The following OSBPL5 variants were observed in gnomAD, a reference collection of about 807,000 sequenced individuals.
OSBPL5 encodes the protein oxysterol binding protein like 5.
Under a neutral mutation model 111.2 loss-of-function variants are expected in OSBPL5, and 71 were observed. That is an observed-to-expected ratio of 0.64 (90% CI 0.53 to 0.78). The LOEUF (loss-of-function observed/expected upper bound fraction) is 0.78, where lower values mean the gene tolerates loss of function less well. Ranked by LOEUF, OSBPL5 falls within the 30% of genes least tolerant of loss-of-function variation. The pLI is 0.00. For synonymous variants in OSBPL5, 549 were observed against 513.9 expected, an observed-to-expected ratio of 1.07 and a Z score of -0.93; for missense variants, 1,210 against 1,189.3, an observed-to-expected ratio of 1.02 and a Z score of -0.26.
rs201017802 is a variant in OSBPL5 at position 3,090,614 on chromosome 11, G to A, written c.2342C>T (p.Thr781Met). Reference protein sequence around the residue: ...HSQATESSGSTPESCPELSDE... With the variant: ...HSQATESSGSMPESCPELSDE... ...TGAGAGCTCTGGGCAGGACTCAGGC[G>A]TGGATCCGCTGCTCTCCGTGGCCTG... Residue 781 changes from threonine (T) to methionine (M), a missense_variant, in exon 20 of 22, where the codon ACG becomes ATG. Transcript: ENST00000263650. 22 of 1,613,014 alleles carry A rather than the reference G, an allele frequency of 1.4e-5. No individual in the cohort carries two copies. Among genetic ancestry groups the A allele is most frequent in the Admixed American group, 3.3e-5 (2 of 60,006 alleles).
rs902981248 is a variant in OSBPL5 at position 3,109,453 on chromosome 11, G to A, written c.692-1508C>T. ...GATGGGGCTGAAGAGCATTGAAGGC[G>A]GTTCTGTGCCTCTCTGAGCCTCTGC... On this transcript the variant is annotated intron_variant, in intron 7 of 21. Coordinates refer to ENST00000263650, the MANE Select transcript of OSBPL5 (RefSeq NM_020896.4). The surrounding 1 kb of genome is among the most constrained non-coding windows in gnomAD (Gnocchi z 7.4). 2.0e-5 allele frequency among the ~76,000 whole-genome samples: 3 copies of A among 152,192 alleles called. No individual in the cohort carries two copies. Among genetic ancestry groups the A allele is most frequent in the African/African-American group, 7.2e-5 (3 of 41,442 alleles).
rs1157434128 is a variant in OSBPL5 at position 3,121,665 on chromosome 11, C to A, written c.402+332G>T. The A allele has an allele frequency of 2.9e-6, 1 of 341,610 alleles. No individual in the cohort carries two copies. Among genetic ancestry groups the A allele is most frequent in the African/African-American group, 2.1e-5 (1 of 47,316 alleles). The allele number at this position is 341,610 out of a possible 1,614,324, so 21.2% of individuals were successfully genotyped here. A position where few individuals can be genotyped will look rare whatever the true frequency, so the allele number is the denominator to read the frequency against. On this transcript the variant is annotated intron_variant, in intron 5 of 21. Coordinates refer to ENST00000263650, the MANE Select transcript of OSBPL5 (RefSeq NM_020896.4). This position sits in a 1 kb window ranked among gnomAD's most constrained non-coding sequence, Gnocchi z 4.3. ...CTGATGTGGGGTCCTCTCCCAGAAGCCAGAGCAATGTCTCCCTCCCCAGCG... is the reference window on the plus strand; with the variant it reads ...CTGATGTGGGGTCCTCTCCCAGAAGACAGAGCAATGTCTCCCTCCCCAGCG...
chr11:3,117,193 G>T (rs910771825), intron 7 of OSBPL5, among the ~76,000 whole-genome samples: 1 of 152,102 alleles, frequency 6.6e-6, no homozygotes, highest in Non-Finnish European at 1.5e-5. Flanking sequence ...TTTCCTTTAA[G>T]GACTCAAACT....
At chr11:3,139,169 C>T (rs1846036585) in intron 1 of OSBPL5, among the ~76,000 whole-genome samples, 1 of 152,214 alleles carries the variant, frequency 6.6e-6, no homozygotes, top group African/African-American at 2.4e-5. Flanking sequence ...GTTCAGGGGA[C>T]CCTGGGGTGA....
chr11:3,117,812 C>T (rs1297768382), intron 7 of OSBPL5, among the ~76,000 whole-genome samples: 1 of 152,146 alleles, frequency 6.6e-6, no homozygotes, highest in African/African-American at 2.4e-5. Flanking sequence ...TAAAGCCCTG[C>T]AAACTGAAAC....
chr11:3,145,009 G>C (rs1312028931), intron 1 of OSBPL5, among the ~76,000 whole-genome samples: 3 of 152,242 alleles, frequency 2.0e-5, no homozygotes, highest in Non-Finnish European at 4.4e-5. Context: ...AGCTTCTGTA[G>C]CATCTAGCCC....
chr11:3,135,739 C>A (rs562658508), intron 1 of OSBPL5, among the ~76,000 whole-genome samples: 4 of 152,190 alleles, frequency 2.6e-5, no homozygotes, highest in Admixed American at 6.5e-5. Context: ...GCCTTGCCTG[C>A]GGCAGGGTCC....
At chr11:3,089,256 G>A (rs578253859) in intron 21 of OSBPL5, among the ~76,000 whole-genome samples, 54 of 152,356 alleles carry the variant, frequency 3.5e-4, no homozygotes, top group Non-Finnish European at 5.6e-4. Context: ...CTTTACAGAG[G>A]GGAGGCTGAG....
chr11:3,108,930 G>A lies in OSBPL5; in HGVS notation c.692-985C>T, dbSNP rs527343820. ...ATTACAGGCATGCACCACCACACCC[G>A]GCTAATTTTGTATTTTTAGTAGAGA... On this transcript the variant is annotated intron_variant, in intron 7 of 21. Transcript: ENST00000263650. Among the ~76,000 whole-genome samples, 858 of 151,848 alleles carry A rather than the reference G, an allele frequency of 5.7e-3. 6 individuals carry two copies. The highest frequency in any genetic ancestry group is 0.02 in the African/African-American group (816 of 41,390).
At chr11:3,123,016 C>G (rs1858477207) in intron 3 of OSBPL5, among the ~76,000 whole-genome samples, 1 of 152,210 alleles carries the variant, frequency 6.6e-6, no homozygotes, top group African/African-American at 2.4e-5. Flanking sequence ...GTGCCCAGCT[C>G]TGGGCAGGGC....
intron 14 of OSBPL5, among the ~76,000 whole-genome samples, chr11:3,096,209 G>C (rs1303564400): frequency 6.6e-6 from 1 of 152,240 alleles, no homozygotes; most frequent in Non-Finnish European, 1.5e-5. Context: ...GTGTGTGGGG[G>C]ATCAAGACAC....
rs753781092 is a variant in OSBPL5, at chr11:3,092,576, C to T, written c.2133-18G>A. 1.7e-5 allele frequency: 27 copies of T among 1,569,954 alleles called. No individual in the cohort carries two copies. In the Middle Eastern group the frequency reaches 5.0e-4, roughly 29 times the overall value. On this transcript the variant is annotated intron_variant, in intron 18 of 21. Coordinates refer to ENST00000263650, the MANE Select transcript of OSBPL5 (RefSeq NM_020896.4). This position sits in a 1 kb window ranked among gnomAD's most constrained non-coding sequence, Gnocchi z 5.4. Reference sequence around the variant, plus strand: ...GGCTGTGGCTGGAGGGTCCAGAGGGCGTTCATCAGCACAGGCAGTGGCCCT... The same window carrying T: ...GGCTGTGGCTGGAGGGTCCAGAGGGTGTTCATCAGCACAGGCAGTGGCCCT...
chr11:3,103,862 A>C (rs76064787), intron 10 of OSBPL5, among the ~76,000 whole-genome samples: 823 of 35,820 alleles, frequency 0.023, 33 homozygotes, highest in South Asian at 0.094. Context: ...CAGTCTGCGC[A>C]GCCCCCTTCC....
At position 3,104,411 on chromosome 11, in the gene OSBPL5, G is replaced by A. The variant is rs765964057; in HGVS notation, c.1060-34C>T. 83 of 1,593,774 alleles carry A rather than the reference G, an allele frequency of 5.2e-5. 1 individual carries two copies. The Middle Eastern group carries it at 1.3e-3, about 26-fold the overall frequency. On this transcript the variant is annotated intron_variant, in intron 9 of 21. Coordinates refer to ENST00000263650, the MANE Select transcript of OSBPL5 (RefSeq NM_020896.4). The surrounding 1 kb of genome is among the most constrained non-coding windows in gnomAD (Gnocchi z 5.0). ...GACAGGCTGCAGTCAGGCCCTGCCC[G>A]GAAGAGCCGGGAGGAAGGGGTGGCG...
intron 1 of OSBPL5, among the ~76,000 whole-genome samples, chr11:3,149,250 G>A (rs1846479935): frequency 6.6e-6 from 1 of 152,228 alleles, no homozygotes; most frequent in Admixed American, 6.5e-5. Flanking sequence ...AGGCCGGAAT[G>A]CAGCAGAGGC....
chr11:3,108,056 C>T lies in OSBPL5; in HGVS notation c.692-111G>A, dbSNP rs938421525. On this transcript the variant is annotated intron_variant, in intron 7 of 21. Transcript: ENST00000263650. ...ACTCTGACTCTTCAGGGACCCACCC[C>T]CTCCATCCCAGACCCACCCCTGGCC... 2.5e-5 allele frequency: 35 copies of T among 1,410,870 alleles called. No individual in the cohort carries two copies. In the South Asian group the frequency reaches 3.6e-4, roughly 14 times the overall value. The allele number at this position is 1,410,870 out of a possible 1,614,324, so 87.4% of individuals were successfully genotyped here.
At chr11:3,097,388 T>C (rs1039670531) in intron 14 of OSBPL5, among the ~76,000 whole-genome samples, 8 of 152,116 alleles carry the variant, frequency 5.3e-5, no homozygotes, top group Non-Finnish European at 1.2e-4. Context: ...GGGCCTGCGC[T>C]CCGGGGTTAA....
In OSBPL5 at chr11:3,126,388, C is replaced by CCCTGCTGTCCTTTTCCCCAGCCGTTT; in HGVS notation, c.219+59_219+84dup. 1 of 1,227,536 alleles carries CCCTGCTGTCCTTTTCCCCAGCCGTTT rather than the reference C, an allele frequency of 8.1e-7. No individual in the cohort carries two copies. The highest frequency in any genetic ancestry group is 1.1e-6 in the Non-Finnish European group (1 of 911,740). 76.0% of individuals were successfully genotyped at this position (1,227,536 alleles called of 1,614,324 possible). On this transcript the variant is annotated intron_variant, in intron 3 of 21. Transcript: ENST00000263650. This position sits in a 1 kb window ranked among gnomAD's most constrained non-coding sequence, Gnocchi z 6.5. Reference sequence around the variant, plus strand: ...CTGGAATGGCAGGCTCAGCTGGACGCCCTGCTGTCCTTTTCCCCAGCCGTT... The same window carrying CCCTGCTGTCCTTTTCCCCAGCCGTTT: ...CTGGAATGGCAGGCTCAGCTGGACGCCCTGCTGTCCTTTTCCCCAGCCGTTTCCTGCTGTCCTTTTCCCCAGCCGTT...
In OSBPL5 at chr11:3,122,062, C is replaced by G; in HGVS notation, c.337G>C (p.Ala113Pro). 1 of 1,580,186 alleles carries G rather than the reference C, an allele frequency of 6.3e-7. No individual in the cohort carries two copies. The highest frequency in any genetic ancestry group is 2.3e-5 in the East Asian group (1 of 43,836). Residue 113 changes from alanine (A) to proline (P), a missense_variant, in exon 5 of 22, where the codon GCC becomes CCC. Coordinates refer to ENST00000263650, the MANE Select transcript of OSBPL5 (RefSeq NM_020896.4). ...AGAGCGCTGAGCAGCTGCCGTGTGG[C>G]GCGCTTCTTCTCCTGCCGGTAGTTC... Reference protein sequence around the residue: ...KENYRQEKKRATRQLLSALTD... With the variant: ...KENYRQEKKRPTRQLLSALTD...
Sources: gnomAD v4.1 joint callset for allele counts (sites outside exome capture counted in the v4.1 genomes callset) on GRCh38, gnomAD v4.1.1 for gene constraint, Gnocchi (gnomAD v3.1) non-coding constraint, MANE v1.5 for transcripts, NCBI Gene and HGNC (gene_info 2026-07-23, HGNC 2026-07-21) for gene names.